The following SLC2A14 variants were observed in gnomAD, a reference collection of about 807,000 sequenced individuals.
SLC2A14 encodes solute carrier family 2, facilitated glucose transporter member 14.
In SLC2A14, 13 loss-of-function variants were observed where a neutral mutation model predicts 43.0. The observed-to-expected ratio is 0.30, with a 90% CI of 0.20 to 0.48. SLC2A14 has a LOEUF of 0.48. Among genes scored for constraint, SLC2A14 ranks in the 20% least tolerant of loss-of-function variants. The pLI is 0.99. For missense variants in SLC2A14, 428 were observed against 620.4 expected (o/e 0.69, Z 3.29); for synonymous variants, 190 against 233.8 (o/e 0.81, Z 1.71).
chr12:7,879,421 C>T (rs991247235), intron 1 of SLC2A14, among the ~76,000 whole-genome samples: 2 of 151,870 alleles, frequency 1.3e-5, no homozygotes, highest in African/African-American at 4.8e-5. Flanking sequence ...ATGGCTTATG[C>T]CTGTAATCTC....
intron 2 of SLC2A14, among the ~76,000 whole-genome samples, chr12:7,851,479 TATAGAC>T (rs1237980113): frequency 6.6e-6 from 1 of 152,170 alleles, no homozygotes; most frequent in African/African-American, 2.4e-5. Flanking sequence ...GTCTGGAACA[TATAGAC>T]ATAGTCAATA....
chr12:7,821,824 TC>T (rs1863933931), intron 7 of SLC2A14, among the ~76,000 whole-genome samples: 1 of 103,830 alleles, frequency 9.6e-6, no homozygotes, highest in South Asian at 3.0e-4. Flanking sequence ...TGTATTTCTT[TC>T]TTTTTTTTTT....
At chr12:7,863,195 C>T (rs551052626) in intron 2 of SLC2A14, among the ~76,000 whole-genome samples, 3 of 152,020 alleles carry the variant, frequency 2.0e-5, no homozygotes, top group Non-Finnish European at 4.4e-5. Context: ...CCGGAAGGAA[C>T]GAACGACTCC....
In SLC2A14 at chr12:7,836,037, G is replaced by A. The variant is rs145119689; in HGVS notation, c.19-3223C>T. 3.4e-3 allele frequency among the ~76,000 whole-genome samples: 511 copies of A among 152,178 alleles called. 3 individuals carry two copies. The highest frequency in any genetic ancestry group is 0.012 in the African/African-American group (481 of 41,526). ...GCTCTCAGGCCTGTCCCACTTTCAC[G>A]AAGGTCTTCCTTCCTCTTTCCTCTC... On this transcript the variant is annotated intron_variant, in intron 2 of 10. Transcript: ENST00000431042.
At chr12:7,838,061 C>T (rs1477034675) in intron 2 of SLC2A14, among the ~76,000 whole-genome samples, 1 of 141,606 alleles carries the variant, frequency 7.1e-6, no homozygotes, top group South Asian at 2.3e-4. Flanking sequence ...CCCAGCCTAC[C>T]TTTTTTGTTG....
upstream of SLC2A14, among the ~76,000 whole-genome samples, chr12:7,875,332 AC>A (rs1945445091): frequency 6.7e-6 from 1 of 148,488 alleles, no homozygotes; most frequent in Non-Finnish European, 1.5e-5. Context: ...ACATGGCAAA[AC>A]CCCATCTCTA....
chr12:7,880,711 AAAAG>A lies in SLC2A14; in HGVS notation c.132+10281_132+10284del, dbSNP rs1184561864. Among the ~76,000 whole-genome samples the A allele has an allele frequency of 5.5e-3, 198 of 35,858 alleles. 6 individuals are homozygous for A. Among genetic ancestry groups the A allele is most frequent in the African/African-American group, 0.011 (146 of 13,388 alleles). 23.5% of individuals were successfully genotyped at this position (35,858 alleles called of 152,430 possible). On this transcript the variant is annotated intron_variant, in intron 1 of 9. Coordinates refer to the SLC2A14 transcript ENST00000539924. ...GTCTCAAAAAAAAAAAAAAAAAAAA[AAAAG>A]AGAGAAATTGGCCGGGCGCAGTGGC...
At chr12:7,855,196 A>C (rs970968134) in intron 2 of SLC2A14, among the ~76,000 whole-genome samples, 2 of 151,986 alleles carry the variant, frequency 1.3e-5, no homozygotes, top group Non-Finnish European at 1.5e-5. Context: ...CTTGATTCCC[A>C]CTCTGGACAT....
Position 7,829,792 on chromosome 12 carries a change from T to C in SLC2A14, c.487A>G (p.Ile163Val), listed in dbSNP as rs779992744. The C allele has an allele frequency of 1.8e-5, 29 of 1,614,204 alleles. No individual in the cohort carries two copies. The highest frequency in any genetic ancestry group is 2.0e-5 in the Non-Finnish European group (24 of 1,180,034). Residue 163 changes from isoleucine (I) to valine (V), a missense_variant, in exon 5 of 11, where the codon ATA becomes GTA. By Grantham distance (29) the Ile-to-Val change is conservative (BLOSUM62 3). This residue lies in a region of SLC2A14 where 185 missense variants were observed against 275.4 expected (regional missense o/e 0.67). Transcript: ENST00000431042. ...TGGGCCACCAGAATTCCAATAACTA[T>C]GCCCAGCTGGTTGAGAGTGCCAAAG... ...GAFGTLNQLG[I>V]VIGILVAQIF...
chr12:7,884,216 A>G (rs192076022), intron 1 of SLC2A14, among the ~76,000 whole-genome samples: 5 of 152,132 alleles, frequency 3.3e-5, no homozygotes, highest in East Asian at 3.9e-4. Flanking sequence ...CACCGCGCCC[A>G]GCCTGAATTT....
chr12:7,835,483 G>A (rs961141945), intron 2 of SLC2A14, among the ~76,000 whole-genome samples: 1 of 152,204 alleles, frequency 6.6e-6, no homozygotes, highest in Non-Finnish European at 1.5e-5. Context: ...CTTAGTTCCA[G>A]ATGCAGTTAT....
At chr12:7,821,423 CTGTAA>C in intron 7 of SLC2A14, 98 bp from the exon 8 acceptor site, 1 of 1,068,136 alleles carries the variant, frequency 9.4e-7, no homozygotes, top group Non-Finnish European at 1.4e-6. Context: ...TTGCACAGGC[CTGTAA>C]TCCCAGCACT....
In SLC2A14 at chr12:7,870,742, A is replaced by C. The variant is rs777036120; in HGVS notation, c.-57-805T>G. The C allele has an allele frequency of 1.1e-5, 6 of 557,350 alleles. No individual in the cohort carries two copies. In the Admixed American group the frequency reaches 2.8e-4, roughly 26 times the overall value. 34.5% of individuals were successfully genotyped at this position (557,350 alleles called of 1,614,324 possible). A position where few individuals can be genotyped will look rare whatever the true frequency, so the allele number is the denominator to read the frequency against. The stretch of plus-strand genomic sequence containing the variant: ...AAACAAATAAAGTCAAACCAAAAAA[A>C]ACCTCAGAACTCTTTTAACTCAAAT... On this transcript the variant is annotated intron_variant, in intron 1 of 10. Coordinates refer to ENST00000431042, the MANE Select transcript of SLC2A14 (RefSeq NM_001286234.2).
intron 2 of SLC2A14, chr12:7,850,838 C>CT (rs1479814642): frequency 2.6e-5 from 4 of 152,140 alleles, no homozygotes; most frequent in Non-Finnish European, 5.9e-5. Flanking sequence ...AATCTTAGGG[C>CT]TTTTTTTCTC....
Position 7,890,850 on chromosome 12 carries a change from G to C in SLC2A14, c.132+146C>G. The stretch of plus-strand genomic sequence containing the variant: ...GACAGCTGCGGGCAAGCTCAGCCTC[G>C]GTGAGTCTTGGTGGCCTTGACAGCC... On this transcript the variant is annotated intron_variant, in intron 1 of 9. Coordinates refer to the SLC2A14 transcript ENST00000539924. 4 of 799,584 alleles carry C rather than the reference G, an allele frequency of 5.0e-6. No individual in the cohort carries two copies. The Admixed American group carries it at 1.4e-4, about 27-fold the overall frequency. The allele number at this position is 799,584 out of a possible 1,614,324, so 49.5% of individuals were successfully genotyped here. A position where few individuals can be genotyped will look rare whatever the true frequency, so the allele number is the denominator to read the frequency against.
chr12:7,890,932 T>C, intron 1 of SLC2A14: 2 of 1,482,672 alleles, frequency 1.3e-6, no homozygotes, highest in Non-Finnish European at 1.8e-6. Context: ...TTTCCCTTTT[T>C]TAAAGAAATC....
upstream of SLC2A14, among the ~76,000 whole-genome samples, chr12:7,876,280 C>CA (rs59935166): frequency 0.011 from 730 of 68,146 alleles, 29 homozygotes; most frequent in African/African-American, 0.038. Context: ...AACTCCATCT[C>CA]AAAAAAAAAA....
chr12:7,840,827 A>AG (rs1212407804), intron 2 of SLC2A14, among the ~76,000 whole-genome samples: 5 of 152,234 alleles, frequency 3.3e-5, no homozygotes, highest in African/African-American at 1.2e-4. Context: ...AAAGAAAAAA[A>AG]GGAGTCAAGA....
At chr12:7,834,431 A>G (rs1592197246) in intron 2 of SLC2A14, among the ~76,000 whole-genome samples, 1 of 151,590 alleles carries the variant, frequency 6.6e-6, no homozygotes, top group Non-Finnish European at 1.5e-5. Context: ...GCTCACATCT[A>G]TAATCCCAGC....
Sources: gnomAD v4.1 joint callset for allele counts (sites outside exome capture counted in the v4.1 genomes callset) on GRCh38, gnomAD v4.1.1 for gene constraint, gnomAD v4.1.1 regional missense constraint, MANE v1.5 for transcripts, NCBI Gene and HGNC (gene_info 2026-07-23, HGNC 2026-07-21) for gene names.